The following MID2 variants were observed in gnomAD, a reference collection of about 807,000 sequenced individuals.
MID2 encodes the protein probable E3 ubiquitin-protein ligase MID2.
Under a neutral mutation model 46.1 loss-of-function variants are expected in MID2, and 13 were observed. The observed-to-expected ratio is 0.28, with a 90% CI of 0.18 to 0.45. MID2 has a LOEUF of 0.45. Among genes scored for constraint, MID2 ranks in the 20% least tolerant of loss-of-function variants. The pLI, the probability that MID2 is intolerant of heterozygous loss-of-function variation, is 1.00. For missense variants in MID2, 431 were observed against 575.4 expected, an observed-to-expected ratio of 0.75 and a Z score of 2.57; for synonymous variants, 199 against 212.3, an observed-to-expected ratio of 0.94 and a Z score of 0.55.
In MID2 at chrX:107,921,575, A is replaced by G. The variant is rs1184752344; in HGVS notation, c.1436-2768A>G. ...CAATCATTAATATGATGATTGCAAAATGATGATTTTTCCAGTTGAGTATTC... is the reference window on the plus strand; with the variant it reads ...CAATCATTAATATGATGATTGCAAAGTGATGATTTTTCCAGTTGAGTATTC... On this transcript the variant is annotated intron_variant, in intron 7 of 9. Transcript: ENST00000262843. Among the ~76,000 whole-genome samples the G allele has an allele frequency of 9.0e-5, 10 of 111,556 alleles. No individual in the cohort carries two copies. The Admixed American group carries it at 9.5e-4, about 11-fold the overall frequency.
chrX:107,826,828 C>G (rs1930962843), intron 1 of MID2, among the ~76,000 whole-genome samples: 1 of 113,655 alleles, frequency 8.8e-6, no homozygotes, highest in Admixed American at 9.2e-5. Context: ...CCGGCAGCCT[C>G]CTCGGCCCAG....
At chrX:107,885,591 C>T (rs996190888) in intron 3 of MID2, among the ~76,000 whole-genome samples, 12 of 110,952 alleles carry the variant, frequency 1.1e-4, no homozygotes, top group Non-Finnish European at 1.9e-4. Context: ...TACGTGTGCT[C>T]GTGTCTTTAT....
intron 2 of MID2, among the ~76,000 whole-genome samples, chrX:107,847,327 G>A (rs1931511859): frequency 8.9e-6 from 1 of 111,904 alleles, no homozygotes; most frequent in African/African-American, 3.3e-5. Context: ...AGTATGGTAA[G>A]TGCCATGACA....
intron 5 of MID2, among the ~76,000 whole-genome samples, chrX:107,906,621 T>C (rs1246748433): frequency 8.9e-6 from 1 of 112,378 alleles, no homozygotes; most frequent in African/African-American, 3.2e-5. Flanking sequence ...AGTCTCACTC[T>C]GTTGCCCAGG....
intron 3 of MID2, among the ~76,000 whole-genome samples, chrX:107,901,465 G>A (rs371794296): frequency 1.8e-5 from 2 of 111,486 alleles, no homozygotes; most frequent in African/African-American, 6.5e-5. Flanking sequence ...CTGAGTTTAG[G>A]GTAACTTGAG....
At chrX:107,909,388 CT>C (rs1932865459) in intron 5 of MID2, among the ~76,000 whole-genome samples, 1 of 111,737 alleles carries the variant, frequency 8.9e-6, no homozygotes, top group South Asian at 3.8e-4. Context: ...TTGGGTGGCT[CT>C]TTCCCCAGCA....
chrX:107,889,808 C>T (rs1050055407), intron 3 of MID2, among the ~76,000 whole-genome samples: 2 of 111,644 alleles, frequency 1.8e-5, no homozygotes, highest in African/African-American at 6.5e-5. Context: ...TTGGAGGCTT[C>T]GTTCATTTCT....
At chrX:107,926,380 A>G in intron 9 of MID2, 79 bp downstream of exon 9, 1 of 860,995 alleles carries the variant, frequency 1.2e-6, no homozygotes. Flanking sequence ...TAGCACAACC[A>G]TAATACCAAT....
chrX:107,855,719 T>G (rs1453882253), intron 3 of MID2, among the ~76,000 whole-genome samples: 1 of 112,148 alleles, frequency 8.9e-6, no homozygotes, highest in Non-Finnish European at 1.9e-5. Context: ...TCTTATTATA[T>G]GAGTAACCTT....
intron 3 of MID2, chrX:107,894,660 T>G (rs1932679927): frequency 8.9e-6 from 1 of 111,918 alleles, no homozygotes; most frequent in African/African-American, 3.2e-5. Flanking sequence ...ACTGAGCATT[T>G]ACTGTGTGAC....
At position 107,926,953 on chromosome X, in the gene MID2, A is replaced by G. The variant is rs755010720; in HGVS notation, c.2088A>G (p.Lys696=). 29 of 1,209,464 alleles carry G rather than the reference A, an allele frequency of 2.4e-5. No homozygotes were observed. In the East Asian group the frequency reaches 6.5e-4, roughly 27 times the overall value. Residue 696 remains lysine (K), a synonymous_variant, in exon 10 of 10, where the codon AAA becomes AAG. Transcript: ENST00000262843. ...PVCPTFTIWN[K]SLMILSGLPA... is the part of the protein sequence containing the mutation. ...GTCCAACATTTACAATCTGGAACAA[A>G]TCCCTAATGATCCTGTCTGGCTTGC...
chrX:107,835,264 A>G (rs1220823601), intron 1 of MID2, among the ~76,000 whole-genome samples: 2 of 112,149 alleles, frequency 1.8e-5, no homozygotes, highest in Non-Finnish European at 3.8e-5. Flanking sequence ...TCATCAGTTG[A>G]TGGACATTTG....
At chrX:107,891,066 G>C (rs2082862204) in intron 3 of MID2, among the ~76,000 whole-genome samples, 1 of 109,980 alleles carries the variant, frequency 9.1e-6, no homozygotes, top group Non-Finnish European at 1.9e-5. Flanking sequence ...AGCTTCCTGG[G>C]TGAGGCGATG....
intron 1 of MID2, among the ~76,000 whole-genome samples, chrX:107,827,020 G>C (rs374119184): frequency 8.9e-6 from 1 of 112,788 alleles, no homozygotes; most frequent in East Asian, 2.8e-4. Context: ...AGCTCTGTGG[G>C]GGAGAGGGAA....
At chrX:107,869,875 T>C (rs1932031891) in intron 3 of MID2, among the ~76,000 whole-genome samples, 1 of 111,178 alleles carries the variant, frequency 9.0e-6, no homozygotes, top group South Asian at 3.8e-4. Context: ...GAGGCACTTA[T>C]ATCTCCTTTA....
chrX:107,900,797 A>G (rs1369097460), intron 3 of MID2, among the ~76,000 whole-genome samples: 2 of 112,097 alleles, frequency 1.8e-5, no homozygotes, highest in Non-Finnish European at 3.8e-5. Flanking sequence ...TTTTAATTTC[A>G]GTAGATTATA....
At chrX:107,917,909 C>T (rs759215643) in intron 7 of MID2, among the ~76,000 whole-genome samples, 170 bp downstream of exon 7, 1 of 111,755 alleles carries the variant, frequency 8.9e-6, no homozygotes, top group South Asian at 3.8e-4. Context: ...CTTAGCCTTT[C>T]CTCAATTAAT....
chrX:107,888,976 G>T (rs1226446690), intron 3 of MID2, among the ~76,000 whole-genome samples: 1 of 111,347 alleles, frequency 9.0e-6, no homozygotes, highest in Non-Finnish European at 1.9e-5. Flanking sequence ...TTGCTTGGGA[G>T]ATCTTCCTCC....
In MID2 at chrX:107,828,310, CTTT is replaced by C. The variant is rs766362742; in HGVS notation, c.4+1897_4+1899del. ...TTCTTTTCTTTTCTTTCTTTCTTTT[CTTT>C]TTTTTTTTTTTTTTTTGAGACAGGG... is the stretch of plus-strand genomic sequence containing the variant. On this transcript the variant is annotated intron_variant, in intron 1 of 9. Coordinates refer to ENST00000262843, the MANE Select transcript of MID2 (RefSeq NM_012216.4). 7.6e-3 allele frequency among the ~76,000 whole-genome samples: 631 copies of C among 82,975 alleles called. 7 individuals are homozygous for C. The highest frequency in any genetic ancestry group is 0.032 in the African/African-American group (591 of 18,388). 72.1% of individuals were successfully genotyped at this position (82,975 alleles called of 115,157 possible).
Sources: gnomAD v4.1 joint callset for allele counts (sites outside exome capture counted in the v4.1 genomes callset) on GRCh38, gnomAD v4.1.1 for gene constraint, MANE v1.5 for transcripts, NCBI Gene and HGNC (gene_info 2026-07-23, HGNC 2026-07-21) for gene names.